RNF169: variants seen among roughly 807,000 people sequenced by gnomAD.
RNF169 encodes the protein E3 ubiquitin-protein ligase RNF169.
A neutral mutation model predicts 53.9 loss-of-function variants in RNF169; 24 were observed. The ratio of observed to expected loss-of-function variants is 0.45; its 90% CI spans 0.32 to 0.63. RNF169 has a LOEUF of 0.63. Among genes scored for constraint, RNF169 ranks in the 20% least tolerant of loss-of-function variants. RNF169 has a pLI of 0.04. For synonymous variants in RNF169, 396 were observed against 363.5 expected (o/e 1.09, Z -1.02); for missense variants, 883 against 906.2 (o/e 0.97, Z 0.33).
chr11:74,774,052 A>G (rs112551126), intron 1 of RNF169, among the ~76,000 whole-genome samples: 78 of 152,236 alleles, frequency 5.1e-4, no homozygotes, highest in African/African-American at 1.9e-3. Context: ...ATGTTAAGCT[A>G]AAGCTGTCCA....
intron 2 of RNF169, among the ~76,000 whole-genome samples, chr11:74,805,089 C>G (rs2035786000): frequency 6.6e-6 from 1 of 152,210 alleles, no homozygotes; most frequent in Non-Finnish European, 1.5e-5. Context: ...ACATGAATGT[C>G]CATAGTAGAT....
intron 4 of RNF169, among the ~76,000 whole-genome samples, chr11:74,824,014 A>G (rs2036056601): frequency 2.6e-5 from 4 of 152,182 alleles, no homozygotes; most frequent in Admixed American, 2.6e-4. Context: ...GGCATAAGAA[A>G]CAAGAAACAA....
intron 3 of RNF169, among the ~76,000 whole-genome samples, chr11:74,811,155 A>G (rs2035870048): frequency 6.6e-6 from 1 of 152,028 alleles, no homozygotes; most frequent in Non-Finnish European, 1.5e-5. Flanking sequence ...TCTCTGGATC[A>G]GCAGTCTACC....
chr11:74,764,605 A>G (rs1294962003), intron 1 of RNF169, among the ~76,000 whole-genome samples: 2 of 152,258 alleles, frequency 1.3e-5, no homozygotes, highest in Non-Finnish European at 2.9e-5. Context: ...AGAACTTATT[A>G]TAAACCTAAA....
chr11:74,822,332 T>G (rs2036024449), intron 4 of RNF169, among the ~76,000 whole-genome samples: 1 of 152,246 alleles, frequency 6.6e-6, no homozygotes, highest in Non-Finnish European at 1.5e-5. Context: ...TGCATGTTTA[T>G]ACTGGCTAAC....
intron 2 of RNF169, among the ~76,000 whole-genome samples, chr11:74,794,865 C>T (rs574966531): frequency 2.6e-5 from 4 of 152,240 alleles, no homozygotes; most frequent in Non-Finnish European, 4.4e-5. Flanking sequence ...GTGTTGGAAT[C>T]GTAGCTCATT....
chr11:74,769,940 C>A (rs2035235198), intron 1 of RNF169, among the ~76,000 whole-genome samples: 1 of 152,152 alleles, frequency 6.6e-6, no homozygotes, highest in African/African-American at 2.4e-5. Context: ...CAGGCATGTG[C>A]CACCGTGCCC....
intron 4 of RNF169, among the ~76,000 whole-genome samples, chr11:74,826,577 CA>C (rs2036101190): frequency 6.6e-6 from 1 of 152,204 alleles, no homozygotes; most frequent in African/African-American, 2.4e-5. Flanking sequence ...AACAGCCCCC[CA>C]AAGTCTCATC....
At chr11:74,833,289 C>T (rs1319154997) in intron 4 of RNF169, among the ~76,000 whole-genome samples, 5 of 152,182 alleles carry the variant, frequency 3.3e-5, no homozygotes, top group African/African-American at 1.2e-4. Flanking sequence ...CTAATGCTGG[C>T]ATAGTAAAAC....
At chr11:74,752,511 C>T (rs922131213) in intron 1 of RNF169, among the ~76,000 whole-genome samples, 7 of 151,378 alleles carry the variant, frequency 4.6e-5, no homozygotes, top group East Asian at 1.9e-4. Flanking sequence ...GCAGGAGACT[C>T]GCTTGAACCT....
chr11:74,785,231 TTA>T (rs1215009808), intron 1 of RNF169, among the ~76,000 whole-genome samples: 1,733 of 87,012 alleles, frequency 0.02, 40 homozygotes, highest in African/African-American at 0.094. Flanking sequence ...GTTATATATA[TTA>T]TATATATGTT....
chr11:74,812,840 T>C (rs1038017979), intron 3 of RNF169, among the ~76,000 whole-genome samples: 1 of 152,176 alleles, frequency 6.6e-6, no homozygotes, highest in Non-Finnish European at 1.5e-5. Context: ...TCTTGTGAAA[T>C]TAAATGAAGA....
chr11:74,828,234 T>C (rs185796273), intron 4 of RNF169, among the ~76,000 whole-genome samples: 23 of 152,104 alleles, frequency 1.5e-4, no homozygotes, highest in Admixed American at 5.9e-4. Flanking sequence ...CCATTCACAA[T>C]TGACAAAAAA....
intron 1 of RNF169, among the ~76,000 whole-genome samples, chr11:74,785,253 A>ATATATATAT (rs1491126341): frequency 2.5e-5 from 2 of 79,882 alleles, no homozygotes; most frequent in African/African-American, 1.5e-4. Context: ...TATATATGTT[A>ATATATATAT]GATATATATG....
At chr11:74,778,384 A>T (rs2035367394) in intron 1 of RNF169, among the ~76,000 whole-genome samples, 1 of 151,962 alleles carries the variant, frequency 6.6e-6, no homozygotes, top group Non-Finnish European at 1.5e-5. Context: ...TCCATTTGTG[A>T]GTTCTACGAT....
At chr11:74,762,114 C>T (rs1489451665) in intron 1 of RNF169, among the ~76,000 whole-genome samples, 1 of 146,394 alleles carries the variant, frequency 6.8e-6, no homozygotes, top group East Asian at 2.0e-4. Context: ...GAGGCTTCTG[C>T]ATTCTTCATG....
chr11:74,749,298 C>T lies in RNF169; in HGVS notation c.418C>T (p.Arg140Cys), dbSNP rs1478882091. ...GTGCGCCCGCCGCAGCCAACCCGAG[C>T]GCTGCCGCCCGCGCCGGGACGGGGG... ...GECARRSQPE[R>C]CRPRRDGGAA... The change falls in exon 1 of 6, where the codon CGC (arginine) becomes TGC (cysteine). Residue 140 changes from arginine to cysteine, a missense_variant. This residue lies in a region of RNF169 where 313 missense variants were observed against 279.9 expected (regional missense o/e 1.12). Coordinates refer to ENST00000299563, the MANE Select transcript of RNF169 (RefSeq NM_001098638.2). 1.6e-5 allele frequency: 19 copies of T among 1,172,546 alleles called. No homozygotes were observed. Among genetic ancestry groups the T allele is most frequent in the East Asian group, 1.5e-4 (4 of 25,822 alleles). The allele number at this position is 1,172,546 out of a possible 1,614,324, so 72.6% of individuals were successfully genotyped here. A position where few individuals can be genotyped will look rare whatever the true frequency, so the allele number is the denominator to read the frequency against.
chr11:74,811,206 G>A (rs1017057272), intron 3 of RNF169, among the ~76,000 whole-genome samples: 3 of 151,854 alleles, frequency 2.0e-5, no homozygotes, highest in East Asian at 1.9e-4. Context: ...TGTACACTTC[G>A]GCCAAGTTAC....
chr11:74,782,362 T>C (rs2035428278), intron 1 of RNF169, among the ~76,000 whole-genome samples: 1 of 152,158 alleles, frequency 6.6e-6, no homozygotes, highest in Non-Finnish European at 1.5e-5. Flanking sequence ...CCATGGCCTA[T>C]TAGGAACACG....
Sources: gnomAD v4.1 joint callset for allele counts (sites outside exome capture counted in the v4.1 genomes callset) on GRCh38, gnomAD v4.1.1 for gene constraint, gnomAD v4.1.1 regional missense constraint, MANE v1.5 for transcripts, NCBI Gene and HGNC (gene_info 2026-07-23, HGNC 2026-07-21) for gene names.